Variants in ATXN1 observed in about 807,000 individuals in gnomAD.
ATXN1 encodes ataxin 1.
A neutral mutation model predicts 56.4 loss-of-function variants in ATXN1; 8 were observed. The ratio of observed to expected loss-of-function variants is 0.14; its 90% CI spans 0.08 to 0.26. The LOEUF (loss-of-function observed/expected upper bound fraction) is 0.26, where lower values mean the gene tolerates loss of function less well. ATXN1 is among the 10% of genes least tolerant of loss of function. The pLI, the probability that ATXN1 is intolerant of heterozygous loss-of-function variation, is 1.00. For synonymous variants in ATXN1, 514 were observed against 494.6 expected, an observed-to-expected ratio of 1.04 and a Z score of -0.52; for missense variants, 987 against 1,106.5, an observed-to-expected ratio of 0.89 and a Z score of 1.53.
intron 6 of ATXN1, among the ~76,000 whole-genome samples, chr6:16,375,455 C>T (rs1400049538): frequency 6.6e-6 from 1 of 152,190 alleles, no homozygotes; most frequent in South Asian, 2.1e-4. Context: ...CTGAGCCCAG[C>T]GAATGTCCTT....
At chr6:16,558,314 A>AG (rs1317181997) in intron 4 of ATXN1, among the ~76,000 whole-genome samples, 121 of 150,978 alleles carry the variant, frequency 8.0e-4, no homozygotes, top group African/African-American at 2.8e-3. Flanking sequence ...AAAAAAAAAA[A>AG]AAAAGAAAAA....
rs2113556606 is a variant in ATXN1 at position 16,760,783 on chromosome 6, G to A, written c.-730+515C>T. Among the ~76,000 whole-genome samples, 1 of 151,224 alleles carries A rather than the reference G, an allele frequency of 6.6e-6. No individual in the cohort carries two copies. ...CTCCGGGGAGGAGGAATGGGAAGAGGGCGGCCGGGAAAGGGACCACCCCCC... is the reference window on the plus strand; with the variant it reads ...CTCCGGGGAGGAGGAATGGGAAGAGAGCGGCCGGGAAAGGGACCACCCCCC... On this transcript the variant is annotated intron_variant, in intron 1 of 7. Coordinates refer to ENST00000436367, the MANE Select transcript of ATXN1 (RefSeq NM_001128164.2). The surrounding 1 kb of genome is among the most constrained non-coding windows in gnomAD (Gnocchi z 5.3).
At chr6:16,340,016 C>T (rs1053156812) in intron 6 of ATXN1, among the ~76,000 whole-genome samples, 1 of 152,162 alleles carries the variant, frequency 6.6e-6, no homozygotes, top group African/African-American at 2.4e-5. Flanking sequence ...CTCTTGACTT[C>T]GCGGTCTGCC....
chr6:16,616,611 A>T (rs973495370), intron 3 of ATXN1, among the ~76,000 whole-genome samples: 13 of 144,298 alleles, frequency 9.0e-5, no homozygotes, highest in African/African-American at 2.3e-4. Context: ...CTATATATAA[A>T]ATATTTTATA....
chr6:16,497,592 G>A (rs1760804216), intron 5 of ATXN1, among the ~76,000 whole-genome samples: 1 of 152,228 alleles, frequency 6.6e-6, no homozygotes, highest in African/African-American at 2.4e-5. Flanking sequence ...GCCTGTGCCT[G>A]CTGGGAAACG....
intron 2 of ATXN1, among the ~76,000 whole-genome samples, chr6:16,698,844 C>G (rs945951671): frequency 2.0e-5 from 3 of 152,054 alleles, no homozygotes; most frequent in Admixed American, 6.6e-5. Flanking sequence ...ACATTAGGTT[C>G]AATTAAAGCC....
At chr6:16,571,747 A>G (rs1363046243) in intron 4 of ATXN1, among the ~76,000 whole-genome samples, 1 of 152,106 alleles carries the variant, frequency 6.6e-6, no homozygotes, top group Non-Finnish European at 1.5e-5. Context: ...TGCAGCCTCA[A>G]ACTCCTAGAC....
intron 3 of ATXN1, among the ~76,000 whole-genome samples, chr6:16,614,174 T>C (rs1763163499): frequency 6.6e-6 from 1 of 151,790 alleles, no homozygotes; most frequent in Non-Finnish European, 1.5e-5. Flanking sequence ...ATTTCATGGT[T>C]TTTTTGACAA....
At chr6:16,489,796 C>T (rs112325934) in intron 5 of ATXN1, among the ~76,000 whole-genome samples, 1 of 151,804 alleles carries the variant, frequency 6.6e-6, no homozygotes, top group Non-Finnish European at 1.5e-5. Flanking sequence ...CCAGCCTGGG[C>T]GAAAGAACAA....
chr6:16,744,316 C>T (rs893400210), intron 2 of ATXN1, among the ~76,000 whole-genome samples: 1 of 152,162 alleles, frequency 6.6e-6, no homozygotes, highest in Non-Finnish European at 1.5e-5. Context: ...TGGATGAAAA[C>T]CAGCGCCAAG....
At chr6:16,716,568 G>A (rs1316290019) in intron 2 of ATXN1, among the ~76,000 whole-genome samples, 3 of 152,152 alleles carry the variant, frequency 2.0e-5, no homozygotes, top group Non-Finnish European at 4.4e-5. Flanking sequence ...GGGTGCAAAA[G>A]GAGGGCTTCT....
chr6:16,690,385 T>C (rs1161129426), intron 2 of ATXN1, among the ~76,000 whole-genome samples: 1 of 151,012 alleles, frequency 6.6e-6, no homozygotes, highest in Non-Finnish European at 1.5e-5. Flanking sequence ...GGCAACTAGA[T>C]GTGTGAGTGA....
In ATXN1 at chr6:16,753,302, T is replaced by C; in HGVS notation, c.-684A>G. ...TTGCTGTACAAGGATGACAAACAAA[T>C]CTGCAGCTTGAATGGACCACCCTGG... is the stretch of plus-strand genomic sequence containing the variant. On this transcript the variant is annotated 5_prime_UTR_variant, in exon 2 of 8. Coordinates refer to ENST00000436367, the MANE Select transcript of ATXN1 (RefSeq NM_001128164.2). The C allele has an allele frequency of 2.2e-6, 1 of 456,764 alleles. No homozygotes were observed. The highest frequency in any genetic ancestry group is 2.3e-5 in the Admixed American group (1 of 42,580). 28.3% of individuals were successfully genotyped at this position (456,764 alleles called of 1,614,324 possible).
At chr6:16,394,132 C>G (rs1182405222) in intron 6 of ATXN1, among the ~76,000 whole-genome samples, 1 of 152,136 alleles carries the variant, frequency 6.6e-6, no homozygotes, top group South Asian at 2.1e-4. Flanking sequence ...ATTTTTCCTT[C>G]TGTGTTCCTA....
At chr6:16,434,160 G>T (rs1055539497) in intron 6 of ATXN1, among the ~76,000 whole-genome samples, 1 of 152,130 alleles carries the variant, frequency 6.6e-6, no homozygotes, top group South Asian at 2.1e-4. Context: ...ACCCAGTTAA[G>T]TCTTAATTAT....
At chr6:16,544,171 C>CGA (rs1561748155) in intron 4 of ATXN1, among the ~76,000 whole-genome samples, 26 of 152,310 alleles carry the variant, frequency 1.7e-4, no homozygotes, top group African/African-American at 6.0e-4. Context: ...TTCCACGCTC[C>CGA]TCGTCTTTCT....
chr6:16,748,116 A>T (rs1012746102), intron 2 of ATXN1, among the ~76,000 whole-genome samples: 1 of 152,226 alleles, frequency 6.6e-6, no homozygotes, highest in Admixed American at 6.5e-5. Flanking sequence ...CGGATAAGCA[A>T]ATTGCCACTG....
chr6:16,648,081 C>T (rs984035639), intron 3 of ATXN1, among the ~76,000 whole-genome samples: 1 of 152,082 alleles, frequency 6.6e-6, no homozygotes, highest in Non-Finnish European at 1.5e-5. Flanking sequence ...ATCTCAAAAA[C>T]AAAATAAAAT....
intron 3 of ATXN1, among the ~76,000 whole-genome samples, chr6:16,599,115 G>T (rs1762868106): frequency 6.6e-6 from 1 of 152,164 alleles, no homozygotes; most frequent in African/African-American, 2.4e-5. Flanking sequence ...AAACTGATCT[G>T]ACACCCAATG....
Sources: allele counts gnomAD v4.1 joint callset (sites outside exome capture counted in the v4.1 genomes callset), GRCh38; gene constraint gnomAD v4.1.1; non-coding constraint Gnocchi (gnomAD v3.1); transcripts MANE v1.5; gene names NCBI Gene and HGNC (gene_info 2026-07-23, HGNC 2026-07-21).